Variants in DAG1 observed in about 807,000 individuals in gnomAD.
DAG1 encodes dystroglycan 1, also known as dystroglycan 1 (dystrophin-associated glycoprotein 1).
DAG1 carries 8 observed loss-of-function variants against 46.1 expected under a neutral mutation model. The ratio of observed to expected loss-of-function variants is 0.17; its 90% CI spans 0.10 to 0.31. The LOEUF (loss-of-function observed/expected upper bound fraction) is 0.31. DAG1 is among the 10% of genes least tolerant of loss of function. The pLI, the probability that DAG1 is intolerant of heterozygous loss-of-function variation, is 1.00. For missense variants in DAG1, 1,003 were observed against 1,189.9 expected, an observed-to-expected ratio of 0.84 and a Z score of 2.31; for synonymous variants, 495 against 481.8, an observed-to-expected ratio of 1.03 and a Z score of -0.36.
intron 1 of DAG1, among the ~76,000 whole-genome samples, chr3:49,471,877 A>G (rs2049530021): frequency 6.6e-6 from 1 of 152,216 alleles, no homozygotes; most frequent in Non-Finnish European, 1.5e-5. Flanking sequence ...CATGATTAAT[A>G]GTGTCTGCCC....
In DAG1 at chr3:49,496,212, AC is replaced by A. The variant is rs527395261; in HGVS notation, c.-116-14204del. Among the ~76,000 whole-genome samples, 441 of 152,140 alleles carry A rather than the reference AC, an allele frequency of 2.9e-3. 7 individuals carry two copies. In the Middle Eastern group the frequency reaches 0.041, roughly 14 times the overall value. On this transcript the variant is annotated intron_variant, in intron 1 of 2. Coordinates refer to ENST00000308775, the MANE Select transcript of DAG1 (RefSeq NM_004393.6). ...ATTTATTTATTTATTTTGCTTTGTC[AC>A]CCAGGCTGGAGCACAGTGGTGGAGT...
Position 49,532,737 on chromosome 3 carries a change from G to A in DAG1, c.2226G>A (p.Glu742=), listed in dbSNP as rs1372126856. 6.2e-7 allele frequency: 1 copy of A among 1,614,054 alleles called. No individual in the cohort carries two copies. Among genetic ancestry groups the A allele is most frequent in the Non-Finnish European group, 8.5e-7 (1 of 1,180,052 alleles). ...CAGAAGTGCCTGACAGGGACCCTGA[G>A]AAGAGCAGTGAGGATGATGTCTACC... is the stretch of plus-strand genomic sequence containing the variant. The part of the protein sequence containing the change: ...PPTEVPDRDP[E]KSSEDDVYLH... The change falls in exon 3 of 3, where the codon GAG becomes GAA. Residue 742 remains glutamate (E), a synonymous_variant. Transcript: ENST00000308775. This position sits in a 1 kb window ranked among gnomAD's most constrained non-coding sequence, Gnocchi z 5.4.
intron 2 of DAG1, among the ~76,000 whole-genome samples, chr3:49,528,850 CT>C (rs576246020): frequency 1.5e-3 from 199 of 137,196 alleles, no homozygotes; most frequent in Middle Eastern, 3.7e-3. Flanking sequence ...ATAATAACGC[CT>C]TTTTTTTTTT....
Position 49,473,876 on chromosome 3 carries a change from G to A in DAG1, c.-117+3443G>A, listed in dbSNP as rs528345903. Among the ~76,000 whole-genome samples the A allele has an allele frequency of 1.5e-4, 21 of 144,312 alleles. No individual in the cohort carries two copies. In the South Asian group the frequency reaches 4.4e-3, roughly 30 times the overall value. The allele number at this position is 144,312 out of a possible 152,430, so 94.7% of individuals were successfully genotyped here. On this transcript the variant is annotated intron_variant, in intron 1 of 2. Coordinates refer to ENST00000308775, the MANE Select transcript of DAG1 (RefSeq NM_004393.6). ...TGAGATTACAGGCGTGAGCCACTGC[G>A]CCTGGCCTTTTTTTTTTTTTCTTCT... is the stretch of plus-strand genomic sequence containing the variant.
intron 2 of DAG1, among the ~76,000 whole-genome samples, chr3:49,522,487 T>C (rs562169013): frequency 7.4e-6 from 1 of 135,974 alleles, no homozygotes; most frequent in Non-Finnish European, 1.6e-5. Context: ...TTTTTTTTTT[T>C]TTAAGACTGC....
rs572462459 is a variant in DAG1 at position 49,529,047 on chromosome 3, C to T, written c.286-1750C>T. Among the ~76,000 whole-genome samples the T allele has an allele frequency of 3.1e-4, 47 of 151,712 alleles. No homozygotes were observed. In the South Asian group the frequency reaches 4.8e-3, roughly 16 times the overall value. ...TGTACTTTTAGTAGAGATGGGGTTT[C>T]GCCGTGTTGGCCAGGCTGGTCTCGA... On this transcript the variant is annotated intron_variant, in intron 2 of 2. Transcript: ENST00000308775.
intron 1 of DAG1, among the ~76,000 whole-genome samples, chr3:49,508,510 T>C (rs2050672483): frequency 6.6e-6 from 1 of 152,190 alleles, no homozygotes; most frequent in African/African-American, 2.4e-5. Flanking sequence ...GGGATTCTCC[T>C]GCCTCAGCCT....
chr3:49,515,229 C>T (rs1323616080), intron 2 of DAG1, among the ~76,000 whole-genome samples: 1 of 151,814 alleles, frequency 6.6e-6, no homozygotes, highest in Non-Finnish European at 1.5e-5. Context: ...CTCGGCCTCC[C>T]AACGTGCTGG....
intron 1 of DAG1, among the ~76,000 whole-genome samples, chr3:49,473,114 AAAAAT>A (rs2049573101): frequency 6.7e-6 from 1 of 149,064 alleles, no homozygotes; most frequent in Non-Finnish European, 1.5e-5. Flanking sequence ...AAAAAAAATA[AAAAAT>A]AAAACAAAAC....
At chr3:49,521,638 G>T (rs544067763) in intron 2 of DAG1, among the ~76,000 whole-genome samples, 3 of 152,054 alleles carry the variant, frequency 2.0e-5, no homozygotes, top group African/African-American at 7.2e-5. Context: ...TAAAGACGAC[G>T]TTTTGCCGTG....
At chr3:49,500,066 CCGGG>C (rs2050405754) in intron 1 of DAG1, among the ~76,000 whole-genome samples, 1 of 12,248 alleles carries the variant, frequency 8.2e-5, no homozygotes. Context: ...CCTCCGCTTC[CCGGG>C]TTCAAGCAAT....
chr3:49,500,861 A>C lies in DAG1; in HGVS notation c.-116-9558A>C, dbSNP rs376423191. Among the ~76,000 whole-genome samples the C allele has an allele frequency of 1.2e-4, 18 of 152,214 alleles. No homozygotes were observed. The East Asian group carries it at 2.5e-3, about 21-fold the overall frequency. ...CCTTGGTCTCTGAACCACGAGGAGG[A>C]GGATCTCTGTAGCGTCTCTATCTGA... is the stretch of plus-strand genomic sequence containing the variant. On this transcript the variant is annotated intron_variant, in intron 1 of 2. Coordinates refer to ENST00000308775, the MANE Select transcript of DAG1 (RefSeq NM_004393.6).
chr3:49,511,486 T>G (rs1284551722), intron 2 of DAG1, among the ~76,000 whole-genome samples: 1 of 152,236 alleles, frequency 6.6e-6, no homozygotes, highest in East Asian at 1.9e-4. Flanking sequence ...GTTTGTTTCA[T>G]GGACAGGTGG....
In DAG1 at chr3:49,532,062, G is replaced by A; in HGVS notation, c.1551G>A (p.Lys517=). The A allele has an allele frequency of 6.2e-7, 1 of 1,614,218 alleles. No individual in the cohort carries two copies. Among genetic ancestry groups the A allele is most frequent in the Non-Finnish European group, 8.5e-7 (1 of 1,180,040 alleles). ...GGGTTGGCACCTACTTTGAGGTGAA[G>A]ATCCCGTCAGACACTTTCTATGACC... is the stretch of plus-strand genomic sequence containing the variant. The part of the protein sequence containing the change: ...DAWVGTYFEV[K]IPSDTFYDHE... The change falls in exon 3 of 3, where the codon AAG becomes AAA. Residue 517 remains lysine (K), a synonymous_variant. Transcript: ENST00000308775. This position sits in a 1 kb window ranked among gnomAD's most constrained non-coding sequence, Gnocchi z 5.4.
Position 49,533,031 on chromosome 3 carries a change from T to C in DAG1, c.2520T>C (p.Thr840=), listed in dbSNP as rs149564053. The C allele has an allele frequency of 1.7e-4, 274 of 1,613,706 alleles. No individual in the cohort carries two copies. In the African/African-American group the frequency reaches 3.1e-3, roughly 18 times the overall value. ...CCAACCAGAGTGTGCCCGAGACCACTCCTCTGAACCAGGACACCATGGGAG... is the reference window on the plus strand; with the variant it reads ...CCAACCAGAGTGTGCCCGAGACCACCCCTCTGAACCAGGACACCATGGGAG... The part of the protein sequence containing the change: ...EYPNQSVPET[T]PLNQDTMGEY... Residue 840 remains threonine (T), a synonymous_variant, in exon 3 of 3, where the codon ACT becomes ACC. Transcript: ENST00000308775.
rs41290706 is a variant in DAG1, at chr3:49,531,873, G to A, written c.1362G>A (p.Arg454=). Residue 454 remains arginine, a synonymous_variant, in exon 3 of 3, where the codon CGG becomes CGA. Transcript: ENST00000308775. The surrounding 1 kb of genome is among the most constrained non-coding windows in gnomAD (Gnocchi z 7.0). ...CTCGCAGGCCAACCAAGAAACCACG[G>A]ACACCCCGGCCAGTGCCCCGGGTCA... ...TTTRRPTKKP[R]TPRPVPRVTT... The A allele has an allele frequency of 1.9e-6, 3 of 1,613,838 alleles. No individual in the cohort carries two copies. Among genetic ancestry groups the A allele is most frequent in the Admixed American group, 1.7e-5 (1 of 59,982 alleles).
At position 49,532,675 on chromosome 3, in the gene DAG1, G is replaced by A. The variant is rs943866002; in HGVS notation, c.2164G>A (p.Val722Ile). Residue 722 changes from valine (V) to isoleucine (I), a missense_variant, in exon 3 of 3, where the codon GTA becomes ATA. Around this residue, in one of 3 missense-constraint regions of DAG1, gnomAD observed 755 missense variants for 854.1 expected, o/e 0.88. Transcript: ENST00000308775. This position sits in a 1 kb window ranked among gnomAD's most constrained non-coding sequence, Gnocchi z 5.4. ...SCRHLQFIPV[V>I]PPRRVPSEAP... Reference sequence around the variant, plus strand: ...TCGGCACCTACAGTTTATCCCTGTGGTACCACCCAGGAGAGTGCCCTCAGA... The same window carrying A: ...TCGGCACCTACAGTTTATCCCTGTGATACCACCCAGGAGAGTGCCCTCAGA... The A allele has an allele frequency of 3.1e-6, 5 of 1,614,056 alleles. No homozygotes were observed. In the African/African-American group the frequency reaches 5.3e-5, roughly 17 times the overall value.
At chr3:49,480,174 G>A (rs1466022969) in intron 1 of DAG1, among the ~76,000 whole-genome samples, 1 of 140,390 alleles carries the variant, frequency 7.1e-6, no homozygotes, top group Non-Finnish European at 1.5e-5. Flanking sequence ...GGCTGGTCTC[G>A]AACTCCTGAC....
At chr3:49,482,200 C>T (rs1297432752) in intron 1 of DAG1, among the ~76,000 whole-genome samples, 4 of 152,220 alleles carry the variant, frequency 2.6e-5, no homozygotes, top group African/African-American at 7.2e-5. Context: ...CAGTGCATTG[C>T]GGAAAACCAC....
Sources: gnomAD v4.1 joint callset for allele counts (sites outside exome capture counted in the v4.1 genomes callset) on GRCh38, gnomAD v4.1.1 for gene constraint, gnomAD v4.1.1 regional missense constraint, Gnocchi (gnomAD v3.1) non-coding constraint, MANE v1.5 for transcripts, NCBI Gene and HGNC (gene_info 2026-07-23, HGNC 2026-07-21) for gene names.